CAMK1D: variants seen among roughly 807,000 people sequenced by gnomAD.
CAMK1D encodes calcium/calmodulin-dependent protein kinase type 1D.
CAMK1D carries 9 observed loss-of-function variants against 47.7 expected under a neutral mutation model. The ratio of observed to expected loss-of-function variants is 0.19; its 90% confidence interval spans 0.11 to 0.33. The LOEUF (loss-of-function observed/expected upper bound fraction) is 0.33. CAMK1D is among the 10% of genes least tolerant of loss of function. CAMK1D has a pLI of 1.00. For synonymous variants in CAMK1D, 184 were observed against 184.9 expected (o/e 0.99, Z 0.04); for missense variants, 291 against 488.7 (o/e 0.60, Z 3.81).
intron 1 of CAMK1D, among the ~76,000 whole-genome samples, chr10:12,362,064 A>G (rs1378896816): frequency 6.6e-6 from 1 of 152,136 alleles, no homozygotes; most frequent in Non-Finnish European, 1.5e-5. Flanking sequence ...CAAAAGACAA[A>G]AAACAAAAAA....
intron 3 of CAMK1D, among the ~76,000 whole-genome samples, chr10:12,759,184 A>C (rs1258393339): frequency 6.6e-6 from 1 of 152,154 alleles, no homozygotes; most frequent in Non-Finnish European, 1.5e-5. Flanking sequence ...CTCCGTCTCT[A>C]CTAAAAATAC....
At chr10:12,575,503 G>T (rs2132325513) in intron 2 of CAMK1D, among the ~76,000 whole-genome samples, 1 of 152,292 alleles carries the variant, frequency 6.6e-6, no homozygotes, top group African/African-American at 2.4e-5. Flanking sequence ...ACTTTAATTT[G>T]GAGGACGTCC....
intron 2 of CAMK1D, among the ~76,000 whole-genome samples, chr10:12,582,502 T>G (rs996278593): frequency 1.3e-5 from 2 of 152,244 alleles, no homozygotes; most frequent in African/African-American, 4.8e-5. Flanking sequence ...TACCTATCCA[T>G]GAGCATGGGG....
intron 2 of CAMK1D, among the ~76,000 whole-genome samples, chr10:12,615,202 C>A (rs554861681): frequency 1.3e-5 from 2 of 152,148 alleles, no homozygotes; most frequent in African/African-American, 2.4e-5. Flanking sequence ...CTGGGCCACC[C>A]CTAGGAAGGA....
rs149783380 is a variant in CAMK1D, at chr10:12,566,037, G to C, written c.224+12681G>C. On this transcript the variant is annotated intron_variant, in intron 2 of 10. Transcript: ENST00000619168. ...GAGTTTGCATCAGACTCCTGCTTTA[G>C]AAGCTACTTGACCTTGGGCAAGTCA... 1.9e-4 allele frequency among the ~76,000 whole-genome samples: 29 copies of C among 152,268 alleles called. No homozygotes were observed. The East Asian group carries it at 4.4e-3, about 23-fold the overall frequency.
intron 1 of CAMK1D, among the ~76,000 whole-genome samples, chr10:12,458,150 A>T (rs1331631010): frequency 6.6e-6 from 1 of 152,212 alleles, no homozygotes; most frequent in Non-Finnish European, 1.5e-5. Context: ...CAATCTGCAA[A>T]TGCATACCGA....
chr10:12,586,898 C>G (rs115762963), intron 2 of CAMK1D, among the ~76,000 whole-genome samples: 1,681 of 152,278 alleles, frequency 0.011, 24 homozygotes, highest in African/African-American at 0.038. Flanking sequence ...GAGAACTTGT[C>G]TGGCCTGGGA....
chr10:12,692,435 T>C (rs981902217), intron 3 of CAMK1D, among the ~76,000 whole-genome samples: 1 of 152,170 alleles, frequency 6.6e-6, no homozygotes, highest in African/African-American at 2.4e-5. Context: ...AAAACAGATG[T>C]TTATCTTGCT....
At chr10:12,813,423 C>G (rs2131077173) in intron 6 of CAMK1D, among the ~76,000 whole-genome samples, 1 of 152,226 alleles carries the variant, frequency 6.6e-6, no homozygotes, top group South Asian at 2.1e-4. Flanking sequence ...CTGGAAGGGC[C>G]CTGAAATGGA....
At chr10:12,516,036 A>G (rs2815650) in intron 1 of CAMK1D, among the ~76,000 whole-genome samples, 83,717 of 151,982 alleles carry the variant, frequency 0.55, 23,140 homozygotes, top group South Asian at 0.69. Flanking sequence ...TCGTTGCTGA[A>G]TGGTAAGCCA....
intron 1 of CAMK1D, among the ~76,000 whole-genome samples, chr10:12,455,029 G>C (rs1833200786): frequency 6.6e-6 from 1 of 152,222 alleles, no homozygotes; most frequent in Admixed American, 6.5e-5. Flanking sequence ...TCCCTGCTCT[G>C]TGCCTTACTG....
intron 3 of CAMK1D, among the ~76,000 whole-genome samples, chr10:12,676,587 G>C (rs1158876882): frequency 6.6e-6 from 1 of 152,182 alleles, no homozygotes; most frequent in Non-Finnish European, 1.5e-5. Flanking sequence ...AGTCCTTACA[G>C]TAAACTCAGG....
At chr10:12,460,680 G>A (rs993408964) in intron 1 of CAMK1D, among the ~76,000 whole-genome samples, 1 of 151,908 alleles carries the variant, frequency 6.6e-6, no homozygotes, top group African/African-American at 2.4e-5. Flanking sequence ...CACCCACCTC[G>A]GCCTCCCAAA....
chr10:12,734,047 G>C (rs1835016976), intron 3 of CAMK1D, among the ~76,000 whole-genome samples: 1 of 151,848 alleles, frequency 6.6e-6, no homozygotes, highest in Admixed American at 6.6e-5. Flanking sequence ...ATAGACACAG[G>C]CCGGGTGCCG....
At chr10:12,692,258 G>C (rs1368523596) in intron 3 of CAMK1D, among the ~76,000 whole-genome samples, 1 of 152,130 alleles carries the variant, frequency 6.6e-6, no homozygotes, top group African/African-American at 2.4e-5. Context: ...CTTCTGTTGT[G>C]CTATTGATGC....
chr10:12,795,999 A>G (rs991544342), intron 6 of CAMK1D, among the ~76,000 whole-genome samples: 7 of 152,298 alleles, frequency 4.6e-5, no homozygotes, highest in Non-Finnish European at 8.8e-5. Flanking sequence ...CCAAGGCACA[A>G]ATTTTCTCAG....
rs1343411784 is a variant in CAMK1D at position 12,825,824 on chromosome 10, C to T, written c.1039+134C>T. On this transcript the variant is annotated intron_variant, in intron 10 of 10. Coordinates refer to ENST00000619168, the MANE Select transcript of CAMK1D (RefSeq NM_153498.4). ...CTATACTTAATCCCATGTCATGCGA[C>T]CCTAGGACTTTTTTTAACATGTAAT... The T allele has an allele frequency of 2.7e-6, 4 of 1,469,760 alleles. No individual in the cohort carries two copies. In the African/African-American group the frequency reaches 4.2e-5, roughly 16 times the overall value. The allele number at this position is 1,469,760 out of a possible 1,614,324, so 91.0% of individuals were successfully genotyped here.
At chr10:12,747,756 G>C (rs1177667893) in intron 3 of CAMK1D, among the ~76,000 whole-genome samples, 3 of 152,134 alleles carry the variant, frequency 2.0e-5, no homozygotes, top group Admixed American at 6.6e-5. Flanking sequence ...AAGCCAGCAG[G>C]CTCGAGTCCT....
intron 2 of CAMK1D, among the ~76,000 whole-genome samples, chr10:12,615,809 C>T (rs1056965893): frequency 3.4e-5 from 5 of 148,022 alleles, no homozygotes; most frequent in African/African-American, 1.2e-4. Flanking sequence ...GTGTTGTGTG[C>T]GTGTGTATAG....
Sources: allele counts gnomAD v4.1 joint callset (sites outside exome capture counted in the v4.1 genomes callset), GRCh38; gene constraint gnomAD v4.1.1; transcripts MANE v1.5; gene names NCBI Gene and HGNC (gene_info 2026-07-23, HGNC 2026-07-21).